TMEM132B: variants seen among roughly 807,000 people sequenced by gnomAD.
TMEM132B encodes the protein transmembrane protein 132B.
TMEM132B carries 18 observed loss-of-function variants against 90.8 expected under a neutral mutation model. That is an observed-to-expected ratio of 0.20 (90% CI 0.14 to 0.29). TMEM132B has a LOEUF of 0.29. TMEM132B is among the 10% of genes least tolerant of loss of function. The probability of loss-of-function intolerance (pLI) is 1.00; values close to 1 mark genes in which losing one functional copy is unlikely to be tolerated. For synonymous variants in TMEM132B, 504 were observed against 523.3 expected (o/e 0.96, Z 0.50); for missense variants, 1,096 against 1,326.8 (o/e 0.83, Z 2.70).
chr12:125,355,514 A>G (rs1218475806), intron 2 of TMEM132B, among the ~76,000 whole-genome samples: 1 of 152,210 alleles, frequency 6.6e-6, no homozygotes, highest in Non-Finnish European at 1.5e-5. Flanking sequence ...TGATTGTTGC[A>G]GAGGTTGTGG....
chr12:125,505,184 A>C (rs201395879), intron 3 of TMEM132B, among the ~76,000 whole-genome samples: 8 of 144,228 alleles, frequency 5.5e-5, no homozygotes, highest in South Asian at 2.2e-4. Context: ...AAAAAAAAAA[A>C]AAAAAAAAAA....
chr12:125,429,681 G>A (rs1034182211), intron 3 of TMEM132B, among the ~76,000 whole-genome samples: 1 of 152,154 alleles, frequency 6.6e-6, no homozygotes, highest in Admixed American at 6.5e-5. Context: ...AACCTTGTCC[G>A]ATTATTTTTA....
At position 125,340,552 on chromosome 12, in the gene TMEM132B, G is replaced by T. The variant is rs77000556; in HGVS notation, c.68-8900G>T. Among the ~76,000 whole-genome samples, 330 of 152,214 alleles carry T rather than the reference G, an allele frequency of 2.2e-3. 1 individual carries two copies. Among genetic ancestry groups the T allele is most frequent in the African/African-American group, 7.8e-3 (323 of 41,514 alleles). ...ATGGTGGTGGAAATTATGACAAAAG[G>T]TTGGTATTCTCTGTTGTATTTCAAA... On this transcript the variant is annotated intron_variant, in intron 1 of 8. Coordinates refer to ENST00000682704, the MANE Select transcript of TMEM132B (RefSeq NM_001366854.1).
At chr12:125,585,316 C>A (rs934860691) in intron 5 of TMEM132B, 1 of 152,058 alleles carries the variant, frequency 6.6e-6, no homozygotes, top group Non-Finnish European at 1.5e-5. Context: ...ATTCTGTAGG[C>A]AGGTTTGATT....
chr12:125,644,401 G>A (rs1388388158), intron 6 of TMEM132B, 120 bp downstream of exon 6: 3 of 1,116,474 alleles, frequency 2.7e-6, no homozygotes, highest in South Asian at 1.6e-5. Flanking sequence ...CGGGAAGCGT[G>A]GTCTGGGCTT....
At chr12:125,223,415 G>A (rs1873603600) in intron 1 of TMEM132B, among the ~76,000 whole-genome samples, 1 of 152,088 alleles carries the variant, frequency 6.6e-6, no homozygotes, top group African/African-American at 2.4e-5. Flanking sequence ...TTTACATTTT[G>A]GGAAACATAA....
At chr12:125,197,482 T>C (rs1872950877) in intron 1 of TMEM132B, among the ~76,000 whole-genome samples, 1 of 152,216 alleles carries the variant, frequency 6.6e-6, no homozygotes, top group African/African-American at 2.4e-5. Flanking sequence ...CAGCAAGCCA[T>C]AGGCCACGGA....
chr12:125,302,757 C>T (rs1454390499), intron 1 of TMEM132B, among the ~76,000 whole-genome samples: 1 of 152,188 alleles, frequency 6.6e-6, no homozygotes, highest in African/African-American at 2.4e-5. Flanking sequence ...GCAACAATCA[C>T]CTCTGTCTAG....
chr12:125,651,822 G>A (rs988619060), intron 7 of TMEM132B, among the ~76,000 whole-genome samples: 2 of 152,146 alleles, frequency 1.3e-5, no homozygotes, highest in Admixed American at 6.5e-5. Context: ...TTAGTTCTCT[G>A]TGATTTTAGG....
intron 1 of TMEM132B, among the ~76,000 whole-genome samples, chr12:125,282,964 G>C (rs962332795): frequency 8.5e-5 from 13 of 152,172 alleles, no homozygotes; most frequent in African/African-American, 3.1e-4. Flanking sequence ...GGGAGTCCAA[G>C]TGGTACAGCC....
At chr12:125,397,787 A>G (rs1472016754) in intron 2 of TMEM132B, among the ~76,000 whole-genome samples, 2 of 152,234 alleles carry the variant, frequency 1.3e-5, no homozygotes, top group Non-Finnish European at 2.9e-5. Context: ...TTAGGAACCA[A>G]TGCTTGGGGC....
At chr12:125,614,886 G>A (rs922833331) in intron 5 of TMEM132B, among the ~76,000 whole-genome samples, 6 of 152,060 alleles carry the variant, frequency 3.9e-5, no homozygotes, top group Non-Finnish European at 7.4e-5. Context: ...CTTTCTCTTA[G>A]TTTCTGTTTA....
intron 1 of TMEM132B, among the ~76,000 whole-genome samples, chr12:125,346,458 G>A (rs894564410): frequency 9.9e-5 from 15 of 152,198 alleles, no homozygotes; most frequent in South Asian, 4.1e-4. Context: ...AAGATATTGT[G>A]ATGCTGCATA....
chr12:125,315,234 T>C (rs1443381199), intron 1 of TMEM132B, among the ~76,000 whole-genome samples: 1 of 152,254 alleles, frequency 6.6e-6, no homozygotes, highest in Non-Finnish European at 1.5e-5. Flanking sequence ...GGTCTCGCTC[T>C]GTCACTCAGG....
intron 4 of TMEM132B, among the ~76,000 whole-genome samples, chr12:125,563,335 G>A (rs993439191): frequency 3.9e-5 from 6 of 152,070 alleles, no homozygotes; most frequent in Admixed American, 6.5e-5. Flanking sequence ...CTGGCCGGGC[G>A]CGGTGGCTCA....
At chr12:125,650,988 GTGTTGATGAGT>G in intron 7 of TMEM132B, 35 bp downstream of exon 7, 2 of 1,606,398 alleles carry the variant, frequency 1.2e-6, no homozygotes, top group East Asian at 4.5e-5. Flanking sequence ...ACAGCAGTCT[GTGTTGATGAGT>G]GGCCAGGTAG....
chr12:125,328,921 G>A (rs1282217577), intron 1 of TMEM132B, among the ~76,000 whole-genome samples: 2 of 152,134 alleles, frequency 1.3e-5, no homozygotes, highest in African/African-American at 4.8e-5. Context: ...GGGCTGCTTT[G>A]CTCTATCCTC....
In TMEM132B at chr12:125,246,112, T is replaced by G. The variant is rs1874201775; in HGVS notation, c.67+59246T>G. Among the ~76,000 whole-genome samples the G allele has an allele frequency of 6.6e-6, 1 of 152,246 alleles. No individual in the cohort carries two copies. The highest frequency in any genetic ancestry group is 2.4e-5 in the African/African-American group (1 of 41,466). On this transcript the variant is annotated intron_variant, in intron 1 of 8. Coordinates refer to ENST00000682704, the MANE Select transcript of TMEM132B (RefSeq NM_001366854.1). This position sits in a 1 kb window ranked among gnomAD's most constrained non-coding sequence, Gnocchi z 4.2. ...TCTGGGCCCTGGCAGTGACTGGCGC[T>G]GCCTCTCCAGTGATCCAGTGATCCT... is the stretch of plus-strand genomic sequence containing the variant.
intron 3 of TMEM132B, among the ~76,000 whole-genome samples, chr12:125,448,409 A>T (rs1391371140): frequency 6.6e-6 from 1 of 152,122 alleles, no homozygotes; most frequent in Non-Finnish European, 1.5e-5. Context: ...GCAACCACAG[A>T]CCTGCTTTTC....
Sources: allele counts gnomAD v4.1 joint callset (sites outside exome capture counted in the v4.1 genomes callset), GRCh38; gene constraint gnomAD v4.1.1; non-coding constraint Gnocchi (gnomAD v3.1); transcripts MANE v1.5; gene names NCBI Gene and HGNC (gene_info 2026-07-23, HGNC 2026-07-21).